Variants in TBC1D32 observed in about 807,000 individuals in gnomAD.
The protein encoded by TBC1D32 is TBC1 domain family member 32.
TBC1D32 carries 151 observed loss-of-function variants against 170.3 expected under a neutral mutation model. The ratio of observed to expected loss-of-function variants is 0.89; its 90% confidence interval spans 0.78 to 1.01. TBC1D32 has a LOEUF of 1.01. TBC1D32 is among the 50% of genes least tolerant of loss of function. The probability of loss-of-function intolerance (pLI) is 0.00; values close to 1 mark genes in which losing one functional copy is unlikely to be tolerated. For missense variants in TBC1D32, 1,464 were observed against 1,457.1 expected, an observed-to-expected ratio of 1.00 and a Z score of -0.08; for synonymous variants, 498 against 488.0, an observed-to-expected ratio of 1.02 and a Z score of -0.27.
At chr6:121,105,035 T>C (rs1224363867) in intron 30 of TBC1D32, among the ~76,000 whole-genome samples, 2 of 151,868 alleles carry the variant, frequency 1.3e-5, no homozygotes, top group Non-Finnish European at 2.9e-5. Flanking sequence ...TTACAATAAG[T>C]AATATATAAT....
In TBC1D32 at chr6:121,304,762, T is replaced by G. The variant is rs776582117; in HGVS notation, c.762A>C (p.Thr254=). ...SPLHMTKEIY[T]SLAKYLESYF... is the part of the protein sequence containing the mutation. The stretch of plus-strand genomic sequence containing the variant: ...ATGTTTTCACAAACATACCTAAGCT[T>G]GTATAAATTTCCTTGGTCATATGTA... Residue 254 remains threonine (T), a synonymous_variant, in exon 6 of 32, where the codon ACA becomes ACC. Transcript: ENST00000398212. The G allele has an allele frequency of 6.2e-7, 1 of 1,602,086 alleles. No homozygotes were observed. Among genetic ancestry groups the G allele is most frequent in the Non-Finnish European group, 8.5e-7 (1 of 1,173,264 alleles).
chr6:121,267,199 C>A (rs139209824), intron 15 of TBC1D32, among the ~76,000 whole-genome samples: 15 of 151,312 alleles, frequency 9.9e-5, no homozygotes, highest in Admixed American at 6.6e-5. Flanking sequence ...CAACTCCCAG[C>A]GTGAGCGACG....
In TBC1D32 at chr6:121,281,682, A is replaced by C; in HGVS notation, c.1470T>G (p.Asn490Lys). Residue 490 changes from asparagine (N) to lysine (K), a missense_variant, in exon 14 of 32, where the codon AAT becomes AAG. Asn to Lys is a moderately conservative substitution (Grantham distance 94, BLOSUM62 0). Transcript: ENST00000398212. ...PKMTSAAHSENYSPASMVTEV... is the reference protein window; with the variant it reads ...PKMTSAAHSEKYSPASMVTEV... ...CAGTCACCATACTTGCAGGAGAGTA[A>C]TTCTCTAATAAACAATAAATATTTT... The C allele has an allele frequency of 3.2e-6, 5 of 1,584,184 alleles. No individual in the cohort carries two copies. The highest frequency in any genetic ancestry group is 4.3e-6 in the Non-Finnish European group (5 of 1,165,210).
At chr6:121,174,388 A>C (rs73768932) in intron 22 of TBC1D32, among the ~76,000 whole-genome samples, 12,784 of 152,208 alleles carry the variant, frequency 0.084, 898 homozygotes, top group African/African-American at 0.19. Flanking sequence ...TAAGTACATA[A>C]ACTGTACAAT....
intron 20 of TBC1D32, among the ~76,000 whole-genome samples, chr6:121,229,232 A>C (rs1442351662): frequency 6.6e-6 from 1 of 152,012 alleles, no homozygotes; most frequent in African/African-American, 2.4e-5. Flanking sequence ...TCATTTTCAA[A>C]GGTTTTCTTG....
At chr6:121,255,982 T>C (rs1798949426) in intron 16 of TBC1D32, 102 bp downstream of exon 16, 1 of 1,004,324 alleles carries the variant, frequency 1.0e-6, no homozygotes, top group Admixed American at 2.8e-5. Context: ...GAAGTCATAT[T>C]TGCCCCAGTT....
At chr6:121,170,564 A>T in intron 22 of TBC1D32, 3 of 1,429,526 alleles carry the variant, frequency 2.1e-6, no homozygotes, top group Non-Finnish European at 2.8e-6. Flanking sequence ...GATTGTGTAA[A>T]ATATGTCCCA....
At chr6:121,285,846 G>A (rs1303488251) in intron 12 of TBC1D32, among the ~76,000 whole-genome samples, 1 of 152,222 alleles carries the variant, frequency 6.6e-6, no homozygotes, top group African/African-American at 2.4e-5. Flanking sequence ...CCGCTGTTCT[G>A]CAGCCTCTGC....
chr6:121,213,889 G>A (rs939288863), intron 21 of TBC1D32, among the ~76,000 whole-genome samples: 2 of 151,680 alleles, frequency 1.3e-5, no homozygotes, highest in Admixed American at 1.3e-4. Context: ...ACCTGACTTG[G>A]AAGGACTATA....
chr6:121,122,686 T>C (rs1380166850), intron 26 of TBC1D32, among the ~76,000 whole-genome samples: 7 of 152,240 alleles, frequency 4.6e-5, no homozygotes, highest in Non-Finnish European at 1.0e-4. Context: ...TCATTACACC[T>C]TTTAACTTAC....
intron 21 of TBC1D32, among the ~76,000 whole-genome samples, chr6:121,209,468 C>A (rs1019658191): frequency 2.6e-5 from 4 of 152,100 alleles, no homozygotes; most frequent in African/African-American, 9.7e-5. Context: ...ACACTTTGAC[C>A]AATACTTGCC....
intron 17 of TBC1D32, 81 bp downstream of exon 17, chr6:121,255,246 AT>A: frequency 1.2e-6 from 1 of 806,770 alleles, no homozygotes; most frequent in Non-Finnish European, 1.8e-6. Context: ...CATTTTTGCC[AT>A]AGTATTCTAT....
At chr6:121,229,475 C>T (rs575089206) in intron 20 of TBC1D32, among the ~76,000 whole-genome samples, 1 of 152,210 alleles carries the variant, frequency 6.6e-6, no homozygotes, top group African/African-American at 2.4e-5. Flanking sequence ...TTCTTCCATC[C>T]TTTGGATATA....
upstream of TBC1D32, chr6:121,334,500 C>A (rs79191863): frequency 0.019 from 28,826 of 1,504,418 alleles, 1,066 homozygotes; most frequent in East Asian, 0.14. Context: ...CGCACGCGCA[C>A]GCGCACCCCC....
intron 30 of TBC1D32, among the ~76,000 whole-genome samples, chr6:121,094,874 A>T (rs367518): frequency 0.012 from 1,799 of 152,206 alleles, 42 homozygotes; most frequent in African/African-American, 0.042. Context: ...GTATTTTCAA[A>T]TTTTTTTCCC....
chr6:121,191,852 G>A (rs979367777), intron 22 of TBC1D32, among the ~76,000 whole-genome samples: 4 of 151,916 alleles, frequency 2.6e-5, no homozygotes, highest in South Asian at 2.1e-4. Context: ...AGCTGCCAGC[G>A]AACACAAAGC....
chr6:121,292,020 C>G (rs938341212), intron 12 of TBC1D32, 33 bp downstream of exon 12: 1 of 1,532,670 alleles, frequency 6.5e-7, no homozygotes, highest in Admixed American at 2.1e-5. Flanking sequence ...CTTAGCATAT[C>G]TTAACAAATT....
chr6:121,242,194 T>C lies in TBC1D32; in HGVS notation c.2157+7A>G, dbSNP rs370366208. 37 of 1,610,164 alleles carry C rather than the reference T, an allele frequency of 2.3e-5. No homozygotes were observed. Among genetic ancestry groups the C allele is most frequent in the Non-Finnish European group, 2.8e-5 (33 of 1,178,826 alleles). On this transcript the variant is annotated splice_region_variant and intron_variant, in intron 18 of 31. Coordinates refer to ENST00000398212, the MANE Select transcript of TBC1D32 (RefSeq NM_152730.6). ...TCCCTTTGCCTTTGGCAGATGGTAA[T>C]TCATACCTGTAATTTTTTTGCATAT...
chr6:121,189,173 T>A (rs1789594652), intron 22 of TBC1D32, among the ~76,000 whole-genome samples: 1 of 152,078 alleles, frequency 6.6e-6, no homozygotes, highest in Admixed American at 6.6e-5. Flanking sequence ...TGAAATAAAA[T>A]TCCTTCTGGG....
Sources: gnomAD v4.1 joint callset for allele counts (sites outside exome capture counted in the v4.1 genomes callset) on GRCh38, gnomAD v4.1.1 for gene constraint, MANE v1.5 for transcripts, NCBI Gene and HGNC (gene_info 2026-07-23, HGNC 2026-07-21) for gene names.